SMOC1: variants seen among roughly 807,000 people sequenced by gnomAD.
SMOC1 encodes SPARC-related modular calcium-binding protein 1.
In SMOC1, 22 loss-of-function variants were observed where a neutral mutation model predicts 56.3. That is an observed-to-expected ratio of 0.39 (90% CI 0.28 to 0.56). The LOEUF is 0.56. Among genes scored for constraint, SMOC1 ranks in the 20% least tolerant of loss-of-function variants. The pLI is 0.61. For synonymous variants in SMOC1, 193 were observed against 215.0 expected (o/e 0.90, Z 0.89); for missense variants, 509 against 565.4 (o/e 0.90, Z 1.01).
At chr14:69,980,372 A>T (rs1301074824) in intron 5 of SMOC1, among the ~76,000 whole-genome samples, 1 of 152,148 alleles carries the variant, frequency 6.6e-6, no homozygotes, top group African/African-American at 2.4e-5. Flanking sequence ...AAAGGTCAGG[A>T]CAAGGCTCTG....
intron 1 of SMOC1, among the ~76,000 whole-genome samples, chr14:69,926,861 G>A (rs1885026133): frequency 6.6e-6 from 1 of 152,234 alleles, no homozygotes; most frequent in Admixed American, 6.5e-5. Context: ...TGACCTTGAG[G>A]AAGTCACTTG....
At chr14:70,002,103 A>G (rs1311706194) in intron 7 of SMOC1, among the ~76,000 whole-genome samples, 1 of 152,092 alleles carries the variant, frequency 6.6e-6, no homozygotes, top group Admixed American at 6.5e-5. Context: ...GAGCTTTTAG[A>G]CCATCCTCAC....
intron 5 of SMOC1, among the ~76,000 whole-genome samples, chr14:69,978,917 G>A (rs556782619): frequency 6.6e-6 from 1 of 152,128 alleles, no homozygotes; most frequent in South Asian, 2.1e-4. Context: ...GACAGTTGGA[G>A]GCTTAAGATT....
At chr14:69,900,630 T>C (rs1295870389) in intron 1 of SMOC1, among the ~76,000 whole-genome samples, 1 of 152,232 alleles carries the variant, frequency 6.6e-6, no homozygotes, top group Non-Finnish European at 1.5e-5. Context: ...TGACCTGAGA[T>C]GCTTACTTCA....
At chr14:69,969,590 C>T (rs1029669360) in intron 3 of SMOC1, among the ~76,000 whole-genome samples, 3 of 152,266 alleles carry the variant, frequency 2.0e-5, no homozygotes, top group African/African-American at 2.4e-5. Context: ...GGTCCAGTCA[C>T]CTCCCAACAG....
chr14:69,921,822 G>A (rs569207471), intron 1 of SMOC1, among the ~76,000 whole-genome samples: 3 of 152,272 alleles, frequency 2.0e-5, no homozygotes, highest in African/African-American at 7.2e-5. Context: ...GAAGTAACTG[G>A]TGTTTTGCAA....
At position 69,903,774 on chromosome 14, in the gene SMOC1, C is replaced by G. The variant is rs569022333; in HGVS notation, c.99+23997C>G. Among the ~76,000 whole-genome samples the G allele has an allele frequency of 5.9e-5, 9 of 152,146 alleles. No individual in the cohort carries two copies. The East Asian group carries it at 9.6e-4, about 16-fold the overall frequency. On this transcript the variant is annotated intron_variant, in intron 1 of 11. Coordinates refer to ENST00000361956, the MANE Select transcript of SMOC1 (RefSeq NM_001034852.3). ...AGGGACACAAACACTGCGGAAGGCC[C>G]CAGGGTCCTCTGCCTAGGAAAACCA...
intron 7 of SMOC1, among the ~76,000 whole-genome samples, chr14:70,009,213 G>A (rs530475417): frequency 2.0e-5 from 3 of 152,144 alleles, no homozygotes; most frequent in Admixed American, 1.3e-4. Context: ...CTGCCTCCTG[G>A]CCCTCAGATA....
intron 3 of SMOC1, among the ~76,000 whole-genome samples, chr14:69,968,841 G>A (rs938422881): frequency 3.3e-5 from 5 of 152,202 alleles, no homozygotes; most frequent in African/African-American, 1.2e-4. Flanking sequence ...AATCAAGCCT[G>A]TCCCATTGCA....
chr14:69,941,699 C>T (rs1031514517), intron 1 of SMOC1, among the ~76,000 whole-genome samples: 6 of 152,208 alleles, frequency 3.9e-5, no homozygotes, highest in Non-Finnish European at 7.3e-5. Context: ...TATGATCTCT[C>T]CCCAACCTGG....
At chr14:69,965,804 A>G (rs1259184199) in intron 3 of SMOC1, among the ~76,000 whole-genome samples, 1 of 152,222 alleles carries the variant, frequency 6.6e-6, no homozygotes, top group Admixed American at 6.5e-5. Flanking sequence ...TAGGCCCACA[A>G]CAGACATTTA....
chr14:70,004,852 C>G (rs534169378), intron 7 of SMOC1, among the ~76,000 whole-genome samples: 20 of 152,290 alleles, frequency 1.3e-4, no homozygotes, highest in African/African-American at 4.8e-4. Flanking sequence ...TCTGCAGAAC[C>G]CTGAGTGACA....
At position 70,005,236 on chromosome 14, in the gene SMOC1, C is replaced by T. The variant is rs543935580; in HGVS notation, c.665-5518C>T. 5.7e-4 allele frequency among the ~76,000 whole-genome samples: 87 copies of T among 152,346 alleles called. 1 individual carries two copies. Among genetic ancestry groups the T allele is most frequent in the Non-Finnish European group, 1.1e-3 (76 of 68,018 alleles). On this transcript the variant is annotated intron_variant, in intron 7 of 11. Transcript: ENST00000361956. Reference sequence around the variant, plus strand: ...AAGGTTTCTGGGATAAAAGACTAAACTCTGGGCTAAAATCAAGTCTGGGGA... The same window carrying T: ...AAGGTTTCTGGGATAAAAGACTAAATTCTGGGCTAAAATCAAGTCTGGGGA...
intron 1 of SMOC1, chr14:69,885,333 T>G (rs1883769138): frequency 7.0e-7 from 1 of 1,434,070 alleles, no homozygotes; most frequent in African/African-American, 1.4e-5. Context: ...AACTCAACAG[T>G]GTACATTTAA....
intron 2 of SMOC1, 43 bp downstream of exon 2, chr14:69,952,346 G>A: frequency 3.1e-6 from 5 of 1,610,982 alleles, no homozygotes; most frequent in Admixed American, 1.7e-5. Flanking sequence ...AGGTTCCTGG[G>A]CACCCCAGCT....
intron 1 of SMOC1, among the ~76,000 whole-genome samples, chr14:69,950,646 T>C (rs1882959964): frequency 6.6e-6 from 1 of 152,236 alleles, no homozygotes; most frequent in Admixed American, 6.5e-5. Flanking sequence ...AGGACTCTGC[T>C]ATATGGGAGT....
intron 3 of SMOC1, among the ~76,000 whole-genome samples, chr14:69,965,448 T>G (rs919955047): frequency 2.6e-5 from 4 of 151,478 alleles, no homozygotes; most frequent in Non-Finnish European, 4.4e-5. Flanking sequence ...ATCCAAACCT[T>G]TGTCTGTGAA....
chr14:69,920,864 C>T (rs1340674253), intron 1 of SMOC1, among the ~76,000 whole-genome samples: 1 of 152,124 alleles, frequency 6.6e-6, no homozygotes, highest in African/African-American at 2.4e-5. Flanking sequence ...AGGCAGAGGG[C>T]ACAGCACAGT....
chr14:69,933,285 C>G (rs777607144), intron 1 of SMOC1, among the ~76,000 whole-genome samples: 4 of 152,074 alleles, frequency 2.6e-5, no homozygotes, highest in African/African-American at 9.7e-5. Flanking sequence ...CAGTTGTAGG[C>G]TTGTAATAAC....
Sources: gnomAD v4.1 joint callset for allele counts (sites outside exome capture counted in the v4.1 genomes callset) on GRCh38, gnomAD v4.1.1 for gene constraint, MANE v1.5 for transcripts, NCBI Gene and HGNC (gene_info 2026-07-23, HGNC 2026-07-21) for gene names.